GOT2: variants seen among roughly 807,000 people sequenced by gnomAD.
GOT2 encodes the protein glutamic-oxaloacetic transaminase 2, also known as aspartate aminotransferase, mitochondrial.
GOT2 carries 17 observed loss-of-function variants against 50.0 expected under a neutral mutation model. The observed-to-expected ratio is 0.34, with a 90% CI of 0.23 to 0.51. GOT2 has a LOEUF of 0.51. Among genes scored for constraint, GOT2 ranks in the 20% least tolerant of loss-of-function variants. GOT2 has a pLI of 0.97. For synonymous variants in GOT2, 172 were observed against 204.9 expected, an observed-to-expected ratio of 0.84 and a Z score of 1.37; for missense variants, 430 against 559.6, an observed-to-expected ratio of 0.77 and a Z score of 2.34.
In GOT2 at chr16:58,716,825, C is replaced by A. The variant is rs777550728; in HGVS notation, c.703-12G>T. 6.2e-7 allele frequency: 1 copy of A among 1,613,332 alleles called. No homozygotes were observed. ...AAGAGATTCCTTTTCTGAGAAGGAA[C>A]GAAAGATCGAAGCTTTAGCAGTCTT... On this transcript the variant is annotated splice_polypyrimidine_tract_variant and intron_variant, in intron 6 of 9. Coordinates refer to ENST00000245206, the MANE Select transcript of GOT2 (RefSeq NM_002080.4).
rs1597696047 is a variant in GOT2 at position 58,709,490 on chromosome 16, C to A, written c.1097G>T (p.Gly366Val). 6.2e-7 allele frequency: 1 copy of A among 1,613,912 alleles called. No individual in the cohort carries two copies. The highest frequency in any genetic ancestry group is 8.5e-7 in the Non-Finnish European group (1 of 1,179,786). Residue 366 changes from glycine (G) to valine (V), a missense_variant, in exon 9 of 10, where the codon GGT becomes GTT. Coordinates refer to ENST00000245206, the MANE Select transcript of GOT2 (RefSeq NM_002080.4). ...TQLVSNLKKE[G>V]STHNWQHITD... Reference sequence around the variant, plus strand: ...GATGTGTTGCCAATTGTGGGTGGAACCCTCCTTCTTGAGGTTGGAGACCAG... The same window carrying A: ...GATGTGTTGCCAATTGTGGGTGGAAACCTCCTTCTTGAGGTTGGAGACCAG...
intron 8 of GOT2, 86 bp from the exon 9 acceptor site, chr16:58,709,653 C>T: frequency 1.7e-6 from 2 of 1,186,036 alleles, no homozygotes; most frequent in Non-Finnish European, 1.2e-6. Context: ...CTCCCTTGAG[C>T]AGTCCCCTAG....
chr16:58,722,133 G>C lies in GOT2; in HGVS notation c.375+17C>G. ...TTAAAACAGACCTGGGATGATGCCA[G>C]AGCCTGCTCAGCTTACCCGGCCACT... On this transcript the variant is annotated intron_variant, in intron 3 of 9. Coordinates refer to ENST00000245206, the MANE Select transcript of GOT2 (RefSeq NM_002080.4). The C allele has an allele frequency of 6.2e-7, 1 of 1,611,492 alleles. No homozygotes were observed. The highest frequency in any genetic ancestry group is 2.3e-4 in the Middle Eastern group (1 of 4,436).
intron 9 of GOT2, among the ~76,000 whole-genome samples, chr16:58,708,509 G>T (rs1162807393): frequency 6.6e-6 from 1 of 152,098 alleles, no homozygotes; most frequent in African/African-American, 2.4e-5. Context: ...GGAGGCTAAG[G>T]CAGGAGAATA....
chr16:58,722,346 A>C, intron 2 of GOT2, 68 bp from the exon 3 acceptor site: 1 of 1,474,178 alleles, frequency 6.8e-7, no homozygotes, highest in Non-Finnish European at 9.4e-7. Context: ...TTAATGTTTA[A>C]AGTTTTATAA....
rs913539243 is a variant in GOT2 at position 58,724,448 on chromosome 16, A to G, written c.90-546T>C. The stretch of plus-strand genomic sequence containing the variant: ...ATTTACAGAAAATTGAGCAGATAGT[A>G]CAGTCCCATATACCCTTACCCCCAG... On this transcript the variant is annotated intron_variant, in intron 1 of 9. Transcript: ENST00000245206. Among the ~76,000 whole-genome samples, 9 of 152,264 alleles carry G rather than the reference A, an allele frequency of 5.9e-5. 1 individual carries two copies. Among genetic ancestry groups the G allele is most frequent in the Admixed American group, 5.2e-4 (8 of 15,278 alleles).
chr16:58,732,579 T>C (rs2044843484), intron 1 of GOT2, among the ~76,000 whole-genome samples: 1 of 152,202 alleles, frequency 6.6e-6, no homozygotes, highest in Non-Finnish European at 1.5e-5. Flanking sequence ...CAACTGTTAA[T>C]AGTGCTGAGA....
At chr16:58,721,333 C>T (rs114163254) in intron 3 of GOT2, among the ~76,000 whole-genome samples, 3,235 of 152,210 alleles carry the variant, frequency 0.021, 112 homozygotes, top group African/African-American at 0.073. Flanking sequence ...ACAATGTGCA[C>T]GAGTTCACAT....
intron 2 of GOT2, 62 bp from the exon 3 acceptor site, chr16:58,722,340 T>C: frequency 6.6e-7 from 1 of 1,515,310 alleles, no homozygotes; most frequent in Non-Finnish European, 9.1e-7. Flanking sequence ...CTATGATTAA[T>C]GTTTAAAGTT....
At chr16:58,713,458 G>A (rs2044665996) in intron 8 of GOT2, among the ~76,000 whole-genome samples, 1 of 152,042 alleles carries the variant, frequency 6.6e-6, no homozygotes, top group Non-Finnish European at 1.5e-5. Context: ...GGACAACACA[G>A]TGAGACCTTG....
rs979743621 is a variant in GOT2, at chr16:58,707,370, A to G, written c.*801T>C. ...CCAACCGGGCAGAGACAACATCCCA[A>G]CTGGAGAAACTTGCACTATCATTCA... On this transcript the variant is annotated 3_prime_UTR_variant, in exon 10 of 10. Coordinates refer to ENST00000245206, the MANE Select transcript of GOT2 (RefSeq NM_002080.4). 1.3e-5 allele frequency: 2 copies of G among 152,268 alleles called. No individual in the cohort carries two copies. The highest frequency in any genetic ancestry group is 2.4e-5 in the African/African-American group (1 of 41,474). The allele number at this position is 152,268 out of a possible 1,614,324, so 9.4% of individuals were successfully genotyped here.
intron 1 of GOT2, among the ~76,000 whole-genome samples, chr16:58,732,934 G>A (rs2044847369): frequency 6.6e-6 from 1 of 152,200 alleles, no homozygotes; most frequent in African/African-American, 2.4e-5. Flanking sequence ...GGCCAGGAAG[G>A]AGCCAAGTCA....
At chr16:58,709,347 A>G (rs958289434) in intron 9 of GOT2, 70 bp downstream of exon 9, 3 of 1,249,680 alleles carry the variant, frequency 2.4e-6, no homozygotes, top group Non-Finnish European at 3.3e-6. Flanking sequence ...GAAAAAAGAA[A>G]AAAAAGTAAT....
At chr16:58,729,757 G>C (rs2044818022) in intron 1 of GOT2, among the ~76,000 whole-genome samples, 1 of 151,462 alleles carries the variant, frequency 6.6e-6, no homozygotes, top group South Asian at 2.1e-4. Flanking sequence ...TTTGGAAAAT[G>C]ACATGTTTTT....
At chr16:58,715,040 A>G (rs2044680680) in intron 8 of GOT2, among the ~76,000 whole-genome samples, 1 of 152,008 alleles carries the variant, frequency 6.6e-6, no homozygotes, top group African/African-American at 2.4e-5. Flanking sequence ...TGAGAGTCAG[A>G]TAGTACAGAT....
At chr16:58,720,898 C>T (rs1302592692) in intron 3 of GOT2, among the ~76,000 whole-genome samples, 2 of 152,100 alleles carry the variant, frequency 1.3e-5, no homozygotes, top group African/African-American at 4.8e-5. Context: ...GGCACAACAA[C>T]TTATAAAAGA....
intron 1 of GOT2, among the ~76,000 whole-genome samples, chr16:58,730,111 G>GA (rs1186265604): frequency 6.6e-6 from 1 of 152,126 alleles, no homozygotes; most frequent in Non-Finnish European, 1.5e-5. Context: ...CCTAGCTAGG[G>GA]AACACTGACA....
At chr16:58,731,634 T>C (rs1364596393) in intron 1 of GOT2, among the ~76,000 whole-genome samples, 2 of 152,246 alleles carry the variant, frequency 1.3e-5, no homozygotes, top group Non-Finnish European at 2.9e-5. Flanking sequence ...TCTGATCTCA[T>C]GTCACTATAC....
rs775983757 is a variant in GOT2 at position 58,722,201 on chromosome 16, T to C, written c.324A>G (p.Ala108=). The change falls in exon 3 of 10, where the codon GCA becomes GCG. Residue 108 remains alanine, a synonymous_variant. Transcript: ENST00000245206. ...TCTCACCCAGGGCTAGTTCTGCAGA[T>C]GCCTTGCAAAATTCAGCCAGTCCCC... ...PIGGLAEFCK[A]SAELALGENS... The C allele has an allele frequency of 5.0e-6, 8 of 1,612,422 alleles. No homozygotes were observed. Among genetic ancestry groups the C allele is most frequent in the Non-Finnish European group, 6.8e-6 (8 of 1,179,934 alleles).
Sources: gnomAD v4.1 joint callset for allele counts (sites outside exome capture counted in the v4.1 genomes callset) on GRCh38, gnomAD v4.1.1 for gene constraint, MANE v1.5 for transcripts, NCBI Gene and HGNC (gene_info 2026-07-23, HGNC 2026-07-21) for gene names.